Variants in MCM8 observed in about 807,000 individuals in gnomAD.
MCM8 encodes DNA helicase MCM8.
A neutral mutation model predicts 98.9 loss-of-function variants in MCM8; 85 were observed. The observed-to-expected ratio is 0.86, with a 90% CI of 0.72 to 1.03. The LOEUF is 1.03. MCM8 is among the 50% of genes least tolerant of loss of function. MCM8 has a pLI of 0.00. For missense variants in MCM8, 951 were observed against 997.8 expected (o/e 0.95, Z 0.63); for synonymous variants, 352 against 338.6 (o/e 1.04, Z -0.44).
chr20:5,974,193 C>T (rs915807602), intron 12 of MCM8, among the ~76,000 whole-genome samples: 3 of 152,146 alleles, frequency 2.0e-5, no homozygotes, highest in East Asian at 1.9e-4. Flanking sequence ...AGTACAGTGG[C>T]GCAACTTTGG....
chr20:5,992,396 A>C (rs2054839444), intron 17 of MCM8, among the ~76,000 whole-genome samples: 1 of 152,202 alleles, frequency 6.6e-6, no homozygotes, highest in African/African-American at 2.4e-5. Flanking sequence ...AATAGTTCCT[A>C]AATCACAGGA....
Position 5,967,974 on chromosome 20 carries a change from A to T in MCM8, c.1172A>T (p.Tyr391Phe). 6.2e-7 allele frequency: 1 copy of T among 1,613,882 alleles called. No homozygotes were observed. The highest frequency in any genetic ancestry group is 1.1e-5 in the South Asian group (1 of 91,002). Residue 391 changes from tyrosine to phenylalanine, a missense_variant, in exon 10 of 19, where the codon TAT (tyrosine) becomes TTT (phenylalanine). Coordinates refer to ENST00000610722, the MANE Select transcript of MCM8 (RefSeq NM_032485.6). ...ATGGAGTTCTCACTTAAAGACCTTT[A>T]TGCCATCCAAGAGATTCAAGCTGAA... ...MLMEFSLKDLYAIQEIQAEEN... is the reference protein window; with the variant it reads ...MLMEFSLKDLFAIQEIQAEEN...
At chr20:5,980,383 A>C (rs2089605374) in intron 13 of MCM8, among the ~76,000 whole-genome samples, 1 of 152,212 alleles carries the variant, frequency 6.6e-6, no homozygotes, top group Non-Finnish European at 1.5e-5. Flanking sequence ...GGTATATAGA[A>C]GGCATTCAGT....
chr20:5,979,496 C>T (rs151123919), intron 13 of MCM8, among the ~76,000 whole-genome samples: 15 of 152,308 alleles, frequency 9.8e-5, no homozygotes, highest in Non-Finnish European at 1.9e-4. Context: ...AAATTAAAAT[C>T]CTGATTTTGC....
chr20:5,994,466 C>A lies in MCM8; in HGVS notation c.*75C>A. 1.4e-6 allele frequency: 1 copy of A among 694,096 alleles called. No individual in the cohort carries two copies. Among genetic ancestry groups the A allele is most frequent in the Non-Finnish European group, 2.5e-6 (1 of 404,434 alleles). 43.0% of individuals were successfully genotyped at this position (694,096 alleles called of 1,614,324 possible). On this transcript the variant is annotated 3_prime_UTR_variant, in exon 19 of 19. Coordinates refer to ENST00000610722, the MANE Select transcript of MCM8 (RefSeq NM_032485.6). Reference sequence around the variant, plus strand: ...ATCTCAGTGAAGATATGCGTGCACGCACAGACAGACAGACACACACACACA... The same window carrying A: ...ATCTCAGTGAAGATATGCGTGCACGAACAGACAGACAGACACACACACACA...
chr20:5,979,667 A>G (rs961714158), intron 13 of MCM8, among the ~76,000 whole-genome samples: 3 of 152,154 alleles, frequency 2.0e-5, no homozygotes, highest in African/African-American at 4.8e-5. Flanking sequence ...TATATCTGCT[A>G]TCTAACCACT....
chr20:5,976,268 AAATT>A (rs2089509164), intron 12 of MCM8, among the ~76,000 whole-genome samples: 2 of 152,198 alleles, frequency 1.3e-5, no homozygotes, highest in Non-Finnish European at 1.5e-5. Context: ...TTCTTACAGA[AAATT>A]AATTAGCCAG....
rs1379203307 is a variant in MCM8, at chr20:5,995,709, T to C, written c.*1318T>C. 2.0e-5 allele frequency: 3 copies of C among 152,246 alleles called. No homozygotes were observed. The highest frequency in any genetic ancestry group is 2.9e-5 in the Non-Finnish European group (2 of 68,052). 9.4% of individuals were successfully genotyped at this position (152,246 alleles called of 1,614,324 possible). A position where few individuals can be genotyped will look rare whatever the true frequency, so the allele number is the denominator to read the frequency against. On this transcript the variant is annotated 3_prime_UTR_variant, in exon 19 of 19. Transcript: ENST00000610722. ...ATCAATAAGACCAGAATTTCTCATA[T>C]GTTGTGAGAGGATTCAAATGTTACA...
At chr20:5,952,268 G>C in intron 2 of MCM8, 105 bp downstream of exon 2, 1 of 1,563,086 alleles carries the variant, frequency 6.4e-7, no homozygotes, top group Non-Finnish European at 8.6e-7. Flanking sequence ...TTTATTTCAT[G>C]CTACTCCTTA....
rs1372518373 is a variant in MCM8 at position 5,967,595 on chromosome 20, A to G, written c.1027+8A>G. On this transcript the variant is annotated splice_region_variant and intron_variant, in intron 9 of 18. Transcript: ENST00000610722. ...TCTCAAATGCGGAAGAAGGTAGGGTACAACTCTTTTCATTATTTGTCTCTC... is the reference window on the plus strand; with the variant it reads ...TCTCAAATGCGGAAGAAGGTAGGGTGCAACTCTTTTCATTATTTGTCTCTC... 7 of 1,599,216 alleles carry G rather than the reference A, an allele frequency of 4.4e-6. No homozygotes were observed. In the Admixed American group the frequency reaches 6.8e-5, roughly 16 times the overall value.
At chr20:5,957,699 ACTT>A (rs1445193833) in intron 6 of MCM8, among the ~76,000 whole-genome samples, 1 of 152,228 alleles carries the variant, frequency 6.6e-6, no homozygotes, top group African/African-American at 2.4e-5. Context: ...ATTCCAAAAT[ACTT>A]CTGGTCCCAG....
chr20:5,977,934 C>G lies in MCM8; in HGVS notation c.1454C>G (p.Ser485Cys). 6.2e-7 allele frequency: 1 copy of G among 1,614,228 alleles called. No homozygotes were observed. Among genetic ancestry groups the G allele is most frequent in the Non-Finnish European group, 8.5e-7 (1 of 1,180,038 alleles). ...GTTTGTGGTAACACCACGACCACCT[C>G]TGGTCTGACGGTAACTCTTTCAAAA... ...VYVCGNTTTT[S>C]GLTVTLSKDS... The change falls in exon 13 of 19, where the codon TCT becomes TGT. Residue 485 changes from serine (S) to cysteine (C), a missense_variant. Coordinates refer to ENST00000610722, the MANE Select transcript of MCM8 (RefSeq NM_032485.6).
intron 12 of MCM8, among the ~76,000 whole-genome samples, chr20:5,974,198 C>T (rs924431303): frequency 6.6e-6 from 1 of 152,170 alleles, no homozygotes; most frequent in Non-Finnish European, 1.5e-5. Flanking sequence ...AGTGGCGCAA[C>T]TTTGGCTTAC....
chr20:5,967,111 A>G (rs78803406), intron 8 of MCM8, among the ~76,000 whole-genome samples: 5,457 of 152,138 alleles, frequency 0.036, 130 homozygotes, highest in Middle Eastern at 0.1. Context: ...TCTGGACTTT[A>G]TTTTGTTTTA....
At chr20:5,957,361 A>C in intron 6 of MCM8, 132 bp downstream of exon 6, 1 of 576,102 alleles carries the variant, frequency 1.7e-6, no homozygotes, top group Non-Finnish European at 3.1e-6. Flanking sequence ...CTCATTGATC[A>C]TCACACTGAA....
rs140256644 is a variant in MCM8 at position 5,960,713 on chromosome 20, A to T, written c.789+1987A>T. Among the ~76,000 whole-genome samples the T allele has an allele frequency of 2.1e-3, 326 of 152,070 alleles. 3 individuals are homozygous for T. The highest frequency in any genetic ancestry group is 7.7e-3 in the African/African-American group (319 of 41,362). On this transcript the variant is annotated intron_variant, in intron 7 of 18. Transcript: ENST00000610722. ...CACTTTGGGAGGCCGAGGCGGGCAG[A>T]TCACCTGAGGTCAGGAGTTGAAGAC... is the stretch of plus-strand genomic sequence containing the variant.
At chr20:5,959,750 G>A (rs1197173129) in intron 7 of MCM8, among the ~76,000 whole-genome samples, 1 of 140,332 alleles carries the variant, frequency 7.1e-6, no homozygotes, top group Non-Finnish European at 1.5e-5. Flanking sequence ...CCGGGCTGGA[G>A]TGCAGTGGCG....
At position 5,998,503 on chromosome 20, in the gene MCM8, C is replaced by T. The variant is rs556935870; in HGVS notation, c.*4112C>T. On this transcript the variant is annotated 3_prime_UTR_variant, in exon 19 of 19. Coordinates refer to ENST00000610722, the MANE Select transcript of MCM8 (RefSeq NM_032485.6). ...GGCAAGTGGCGTGGTGGATGCAACC[C>T]TGATTCTTCACCTTTCTCATTATTG... 7.9e-5 allele frequency: 12 copies of T among 152,212 alleles called. No individual in the cohort carries two copies. Among genetic ancestry groups the T allele is most frequent in the Non-Finnish European group, 4.4e-5 (3 of 68,050 alleles). 9.4% of individuals were successfully genotyped at this position (152,212 alleles called of 1,614,324 possible). A position where few individuals can be genotyped will look rare whatever the true frequency, so the allele number is the denominator to read the frequency against.
chr20:5,968,614 A>G (rs2089331989), intron 10 of MCM8, among the ~76,000 whole-genome samples: 1 of 152,184 alleles, frequency 6.6e-6, no homozygotes, highest in Non-Finnish European at 1.5e-5. Flanking sequence ...ACACTCATTC[A>G]TTTACATAAG....
Sources: allele counts gnomAD v4.1 joint callset (sites outside exome capture counted in the v4.1 genomes callset), GRCh38; gene constraint gnomAD v4.1.1; transcripts MANE v1.5; gene names NCBI Gene and HGNC (gene_info 2026-07-23, HGNC 2026-07-21).